The following STAB2 variants were observed in gnomAD, a reference collection of about 807,000 sequenced individuals.
STAB2 encodes stabilin 2, also known as stabilin-2.
Under a neutral mutation model 338.1 loss-of-function variants are expected in STAB2, and 288 were observed. The ratio of observed to expected loss-of-function variants is 0.85; its 90% CI spans 0.77 to 0.94. The LOEUF (loss-of-function observed/expected upper bound fraction) is 0.94. STAB2 is among the 40% of genes least tolerant of loss of function. The pLI is 0.00. For missense variants in STAB2, 3,141 were observed against 3,210.1 expected, an observed-to-expected ratio of 0.98 and a Z score of 0.52; for synonymous variants, 1,202 against 1,193.3, an observed-to-expected ratio of 1.01 and a Z score of -0.15.
At chr12:103,629,009 T>A (rs181672785) in intron 5 of STAB2, among the ~76,000 whole-genome samples, 62 of 152,302 alleles carry the variant, frequency 4.1e-4, no homozygotes, top group Non-Finnish European at 6.6e-4. Context: ...AATTTAGTTG[T>A]GTAGTTGTTG....
chr12:103,715,709 AC>A, intron 42 of STAB2, 105 bp from the exon 43 acceptor site: 1 of 1,265,058 alleles, frequency 7.9e-7, no homozygotes, highest in Non-Finnish European at 1.1e-6. Context: ...ATGCTTTGAC[AC>A]CCGCTCCCTT....
intron 68 of STAB2, chr12:103,765,889 G>A (rs11111755): frequency 0.33 from 117,861 of 355,140 alleles, 21,554 homozygotes; most frequent in East Asian, 0.6. Context: ...AGCCACCACT[G>A]GTTCAAGATG....
At chr12:103,721,049 C>G (rs1192232187) in intron 44 of STAB2, among the ~76,000 whole-genome samples, 2 of 152,222 alleles carry the variant, frequency 1.3e-5, no homozygotes, top group Admixed American at 6.5e-5. Flanking sequence ...AAGGATCTCT[C>G]TTTTATAAGG....
chr12:103,735,472 G>C lies in STAB2; in HGVS notation c.5461-19G>C. 6.4e-7 allele frequency: 1 copy of C among 1,568,704 alleles called. No individual in the cohort carries two copies. Among genetic ancestry groups the C allele is most frequent in the Non-Finnish European group, 8.6e-7 (1 of 1,158,148 alleles). ...CGGCCCAAATTTGGGGCAGTCACGT[G>C]GTGCCATCACTCCTACAGGTTTTAG... On this transcript the variant is annotated intron_variant, in intron 51 of 68. Coordinates refer to ENST00000388887, the MANE Select transcript of STAB2 (RefSeq NM_017564.10).
At chr12:103,683,361 AG>A in intron 26 of STAB2, 61 bp downstream of exon 26, 1 of 1,446,932 alleles carries the variant, frequency 6.9e-7, no homozygotes, top group Non-Finnish European at 9.5e-7. Context: ...TGCTTGAGAA[AG>A]AAAGATTATT....
chr12:103,622,002 C>G, intron 4 of STAB2, 40 bp from the exon 5 acceptor site: 1 of 1,604,340 alleles, frequency 6.2e-7, no homozygotes, highest in Non-Finnish European at 8.5e-7. Flanking sequence ...TACCATGGGT[C>G]ACCTTGGGTC....
chr12:103,684,936 C>A, intron 26 of STAB2, 53 bp from the exon 27 acceptor site: 1 of 1,565,788 alleles, frequency 6.4e-7, no homozygotes, highest in South Asian at 1.1e-5. Context: ...AGATGTAACT[C>A]AGGTCTAACG....
chr12:103,631,909 G>T (rs570728164), intron 6 of STAB2, among the ~76,000 whole-genome samples: 1 of 152,288 alleles, frequency 6.6e-6, no homozygotes, highest in African/African-American at 2.4e-5. Context: ...AAGCAATGTG[G>T]TGTCAAGGCT....
chr12:103,631,688 A>T lies in STAB2; in HGVS notation c.578A>T (p.Asp193Val). The change falls in exon 6 of 69, where the codon GAC becomes GTC. Residue 193 changes from aspartate to valine, a missense_variant. Coordinates refer to ENST00000388887, the MANE Select transcript of STAB2 (RefSeq NM_017564.10). The stretch of plus-strand genomic sequence containing the variant: ...TCTGCGTACACTGGCCCCAAGTGTG[A>T]CAAGCGTAAGTACTGCTAGTTCCCT... ...CYSAYTGPKC[D>V]KPIPECAALL... 6.2e-7 allele frequency: 1 copy of T among 1,614,162 alleles called. No individual in the cohort carries two copies. The highest frequency in any genetic ancestry group is 1.1e-5 in the South Asian group (1 of 91,084).
At chr12:103,696,206 G>A (rs568062082) in intron 33 of STAB2, among the ~76,000 whole-genome samples, 1 of 151,994 alleles carries the variant, frequency 6.6e-6, no homozygotes, top group African/African-American at 2.4e-5. Flanking sequence ...TCTAGCCCGA[G>A]TGATGAAACC....
At chr12:103,730,060 A>G (rs749148303) in intron 48 of STAB2, 56 bp from the exon 49 acceptor site, 187 of 1,498,662 alleles carry the variant, frequency 1.2e-4, no homozygotes, top group Non-Finnish European at 1.6e-4. Flanking sequence ...GTGAGAAGCA[A>G]TTTTGTGTCT....
intron 27 of STAB2, among the ~76,000 whole-genome samples, chr12:103,687,574 C>A (rs1225286391): frequency 1.3e-5 from 2 of 152,130 alleles, no homozygotes; most frequent in African/African-American, 2.4e-5. Flanking sequence ...ATAATAGGGG[C>A]TAAAACTTAC....
In STAB2 at chr12:103,668,634, T is replaced by G. The variant is rs1254405087; in HGVS notation, c.2086-9T>G. The stretch of plus-strand genomic sequence containing the variant: ...GACTGCCATGCTTTCCCTCCTTGGC[T>G]TTCTCCAGGCACTCTTCACACACAG... On this transcript the variant is annotated splice_polypyrimidine_tract_variant and intron_variant, in intron 19 of 68. Coordinates refer to ENST00000388887, the MANE Select transcript of STAB2 (RefSeq NM_017564.10). 18 of 1,551,432 alleles carry G rather than the reference T, an allele frequency of 1.2e-5. No homozygotes were observed. The highest frequency in any genetic ancestry group is 4.1e-5 in the African/African-American group (3 of 73,192).
intron 3 of STAB2, among the ~76,000 whole-genome samples, chr12:103,613,764 G>A (rs886632580): frequency 2.6e-4 from 39 of 152,232 alleles, no homozygotes; most frequent in South Asian, 4.1e-4. Context: ...GAAATCATCC[G>A]TCTTCTGCGT....
intron 41 of STAB2, 132 bp from the exon 42 acceptor site, chr12:103,713,511 A>G: frequency 7.6e-7 from 1 of 1,310,246 alleles, no homozygotes; most frequent in East Asian, 2.4e-5. Context: ...GTTTTTGGGA[A>G]TTGGCCATAT....
chr12:103,608,134 CCAGTGATGATGAG>C (rs1187301987), intron 3 of STAB2, among the ~76,000 whole-genome samples: 1 of 152,070 alleles, frequency 6.6e-6, no homozygotes, highest in Admixed American at 6.6e-5. Context: ...TCTCTGATGG[CCAGTGATGATGAG>C]CAGTGATGAT....
chr12:103,606,808 C>A (rs894885528), intron 3 of STAB2, among the ~76,000 whole-genome samples: 1 of 152,048 alleles, frequency 6.6e-6, no homozygotes, highest in South Asian at 2.1e-4. Context: ...CATGGTGAAA[C>A]CCTGTCTCTA....
Position 103,695,539 on chromosome 12 carries a change from T to C in STAB2, c.3376-11T>C. 1 of 1,614,096 alleles carries C rather than the reference T, an allele frequency of 6.2e-7. No homozygotes were observed. The highest frequency in any genetic ancestry group is 2.2e-5 in the East Asian group (1 of 44,888). On this transcript the variant is annotated splice_polypyrimidine_tract_variant and intron_variant, in intron 31 of 68. Transcript: ENST00000388887. The stretch of plus-strand genomic sequence containing the variant: ...AACATGCTAACAGGATTCTGGGGTT[T>C]CTTTTTTCAGGTGCTGGTCCCACAA...
Position 103,737,874 on chromosome 12 carries a change from G to T in STAB2, c.5697+94G>T, listed in dbSNP as rs1183036912. 4 of 1,512,076 alleles carry T rather than the reference G, an allele frequency of 2.6e-6. No individual in the cohort carries two copies. In the East Asian group the frequency reaches 9.2e-5, roughly 35 times the overall value. 93.7% of individuals were successfully genotyped at this position (1,512,076 alleles called of 1,614,324 possible). A position where few individuals can be genotyped will look rare whatever the true frequency, so the allele number is the denominator to read the frequency against. Reference sequence around the variant, plus strand: ...GGACCCTGTTGTGAAACCATTAAGGGCCTGTCCTCAGCAAGACTAGGACCC... The same window carrying T: ...GGACCCTGTTGTGAAACCATTAAGGTCCTGTCCTCAGCAAGACTAGGACCC... On this transcript the variant is annotated intron_variant, in intron 53 of 68. Transcript: ENST00000388887.
Sources: gnomAD v4.1 joint callset for allele counts (sites outside exome capture counted in the v4.1 genomes callset) on GRCh38, gnomAD v4.1.1 for gene constraint, MANE v1.5 for transcripts, NCBI Gene and HGNC (gene_info 2026-07-23, HGNC 2026-07-21) for gene names.